The following HNRNPC variants were observed in gnomAD, a reference collection of about 807,000 sequenced individuals.
The protein encoded by HNRNPC is heterogeneous nuclear ribonucleoproteins C1/C2.
In HNRNPC, 3 loss-of-function variants were observed where a neutral mutation model predicts 33.2. The ratio of observed to expected loss-of-function variants is 0.09; its 90% confidence interval spans 0.04 to 0.23. The LOEUF (loss-of-function observed/expected upper bound fraction) is 0.23. Among genes scored for constraint, HNRNPC ranks in the 10% least tolerant of loss-of-function variants. The probability of loss-of-function intolerance (pLI) is 1.00; values close to 1 mark genes in which losing one functional copy is unlikely to be tolerated. For synonymous variants in HNRNPC, 121 were observed against 126.7 expected, an observed-to-expected ratio of 0.96 and a Z score of 0.30; for missense variants, 143 against 366.7, an observed-to-expected ratio of 0.39 and a Z score of 4.98.
intron 2 of HNRNPC, among the ~76,000 whole-genome samples, chr14:21,256,815 G>A (rs1399920631): frequency 2.6e-5 from 4 of 151,890 alleles, no homozygotes; most frequent in African/African-American, 9.7e-5. Flanking sequence ...ACCACTCCTG[G>A]CTAATTTTTG....
chr14:21,222,856 T>C (rs1455785141), intron 5 of HNRNPC, among the ~76,000 whole-genome samples: 1 of 152,128 alleles, frequency 6.6e-6, no homozygotes, highest in East Asian at 1.9e-4. Flanking sequence ...ATCACGCCAC[T>C]GCACTCCAGC....
Position 21,211,481 on chromosome 14 carries a change from C to A in HNRNPC, c.723G>T (p.Glu241Asp). The A allele has an allele frequency of 6.2e-7, 1 of 1,613,488 alleles. No homozygotes were observed. The highest frequency in any genetic ancestry group is 8.5e-7 in the Non-Finnish European group (1 of 1,179,754). ...KDETNVKMESEGGADDSAEEG... is the reference protein window; with the variant it reads ...KDETNVKMESDGGADDSAEEG... ...CCTCAGCAGAGTCATCTGCACCCCC[C>A]TCAGACTCCATCTTCACATTAGTCT... The change falls in exon 8 of 9, where the codon GAG becomes GAT. Residue 241 changes from glutamate to aspartate, a missense_variant. By Grantham distance (45) the Glu-to-Asp change is conservative (BLOSUM62 2). Coordinates refer to ENST00000553300, the MANE Select transcript of HNRNPC (RefSeq NM_004500.4).
At chr14:21,261,989 A>G (rs1878325259) in intron 2 of HNRNPC, among the ~76,000 whole-genome samples, 1 of 152,212 alleles carries the variant, frequency 6.6e-6, no homozygotes, top group Admixed American at 6.5e-5. Context: ...TCACATTAGA[A>G]TTCCCAAAAT....
At chr14:21,252,636 T>C (rs193046795) in intron 2 of HNRNPC, among the ~76,000 whole-genome samples, 236 of 152,324 alleles carry the variant, frequency 1.5e-3, no homozygotes, top group African/African-American at 5.3e-3. Context: ...AGTATTAAAA[T>C]AGTTAATTTA....
At position 21,213,319 on chromosome 14, in the gene HNRNPC, G is replaced by A. The variant is rs1038188237; in HGVS notation, c.366-202C>T. ...TTTCTTTACCTAGGCACATAAAATAGTTGTAATACTGTAGCAACTTTTCCT... is the reference window on the plus strand; with the variant it reads ...TTTCTTTACCTAGGCACATAAAATAATTGTAATACTGTAGCAACTTTTCCT... On this transcript the variant is annotated intron_variant, in intron 5 of 8. Transcript: ENST00000553300. 5 of 541,860 alleles carry A rather than the reference G, an allele frequency of 9.2e-6. No homozygotes were observed. The South Asian group carries it at 1.2e-4, about 13-fold the overall frequency. 33.6% of individuals were successfully genotyped at this position (541,860 alleles called of 1,614,324 possible).
In HNRNPC at chr14:21,209,649, A is replaced by G. The variant is rs1243228223; in HGVS notation, c.*1574T>C. 2 of 152,202 alleles carry G rather than the reference A, an allele frequency of 1.3e-5. No individual in the cohort carries two copies. The highest frequency in any genetic ancestry group is 4.8e-5 in the African/African-American group (2 of 41,444). 9.4% of individuals were successfully genotyped at this position (152,202 alleles called of 1,614,324 possible). On this transcript the variant is annotated 3_prime_UTR_variant, in exon 9 of 9. Transcript: ENST00000553300. ...TGTCACCTGTTACAGAAAATGATCT[A>G]TAAAATCCTCATAAATAAGACATGA...
At chr14:21,216,430 G>A (rs1180620219) in intron 5 of HNRNPC, among the ~76,000 whole-genome samples, 4 of 152,032 alleles carry the variant, frequency 2.6e-5, no homozygotes, top group East Asian at 1.9e-4. Context: ...CTGTTTTGCC[G>A]GACAGGGTGG....
At chr14:21,260,041 T>C (rs1303672584) in intron 2 of HNRNPC, among the ~76,000 whole-genome samples, 7 of 147,822 alleles carry the variant, frequency 4.7e-5, no homozygotes, top group African/African-American at 1.3e-4. Flanking sequence ...CTACTAAACA[T>C]ACAAAAAAAT....
Position 21,211,570 on chromosome 14 carries a change from C to T in HNRNPC, c.638-4G>A, listed in dbSNP as rs762054503. 2.0e-5 allele frequency: 32 copies of T among 1,603,802 alleles called. No individual in the cohort carries two copies. Among genetic ancestry groups the T allele is most frequent in the South Asian group, 4.5e-5 (4 of 89,512 alleles). Reference sequence around the variant, plus strand: ...GACTTATCATTCTTCATCTCTACTGCGGATGAGAAGGACAAGTCTGTCTAG... The same window carrying T: ...GACTTATCATTCTTCATCTCTACTGTGGATGAGAAGGACAAGTCTGTCTAG... On this transcript the variant is annotated splice_polypyrimidine_tract_variant and splice_region_variant and intron_variant, in intron 7 of 8. Coordinates refer to ENST00000553300, the MANE Select transcript of HNRNPC (RefSeq NM_004500.4).
chr14:21,236,270 T>C (rs2139672875), intron 2 of HNRNPC: 1 of 152,336 alleles, frequency 6.6e-6, no homozygotes, highest in African/African-American at 2.4e-5. Flanking sequence ...CTTTATGGTC[T>C]GGTTATTAAA....
chr14:21,250,432 A>G (rs1186992802), intron 2 of HNRNPC, among the ~76,000 whole-genome samples: 1 of 152,170 alleles, frequency 6.6e-6, no homozygotes, highest in Non-Finnish European at 1.5e-5. Flanking sequence ...ACACTCAAGG[A>G]AAAAAATTAT....
chr14:21,233,659 G>A (rs1894359528), intron 3 of HNRNPC, among the ~76,000 whole-genome samples: 1 of 152,112 alleles, frequency 6.6e-6, no homozygotes, highest in Admixed American at 6.6e-5. Flanking sequence ...AGTCTGCTGT[G>A]GGCAGGACAC....
chr14:21,236,261 T>C (rs913947012), intron 2 of HNRNPC: 4 of 152,204 alleles, frequency 2.6e-5, no homozygotes, highest in Non-Finnish European at 5.9e-5. Flanking sequence ...TCTCATTTTC[T>C]TTATGGTCTG....
chr14:21,226,706 ACT>A (rs1392586006), intron 5 of HNRNPC, among the ~76,000 whole-genome samples: 2 of 151,756 alleles, frequency 1.3e-5, no homozygotes, highest in Non-Finnish European at 2.9e-5. Flanking sequence ...GTGGACAAAC[ACT>A]GTCTCTACTG....
chr14:21,256,566 T>G (rs1470313218), intron 2 of HNRNPC, among the ~76,000 whole-genome samples: 1 of 152,154 alleles, frequency 6.6e-6, no homozygotes, highest in Non-Finnish European at 1.5e-5. Context: ...TATATAATAA[T>G]GCACAGGAGA....
At chr14:21,221,371 C>T (rs1566602362) in intron 5 of HNRNPC, among the ~76,000 whole-genome samples, 1 of 152,144 alleles carries the variant, frequency 6.6e-6, no homozygotes, top group Admixed American at 6.5e-5. Flanking sequence ...CTGCACTATC[C>T]AATTCTATAG....
chr14:21,220,244 T>G (rs1472540617), intron 5 of HNRNPC, among the ~76,000 whole-genome samples: 2 of 151,914 alleles, frequency 1.3e-5, no homozygotes, highest in Non-Finnish European at 2.9e-5. Context: ...TCTGGTTTTT[T>G]TTTTTTTTTG....
At chr14:21,218,987 G>A (rs896281200) in intron 5 of HNRNPC, among the ~76,000 whole-genome samples, 5 of 151,738 alleles carry the variant, frequency 3.3e-5, no homozygotes, top group East Asian at 1.9e-4. Context: ...GCACATGCTT[G>A]TAGTCCCAGC....
intron 2 of HNRNPC, among the ~76,000 whole-genome samples, chr14:21,249,578 A>G (rs1245596901): frequency 1.5e-5 from 2 of 133,716 alleles, no homozygotes; most frequent in African/African-American, 6.0e-5. Flanking sequence ...AAGAGCGAAA[A>G]CTGTGTCTCA....
Sources: gnomAD v4.1 joint callset for allele counts (sites outside exome capture counted in the v4.1 genomes callset) on GRCh38, gnomAD v4.1.1 for gene constraint, MANE v1.5 for transcripts, NCBI Gene and HGNC (gene_info 2026-07-23, HGNC 2026-07-21) for gene names.